Variants in LGR5 observed in about 807,000 individuals in gnomAD.
LGR5 encodes leucine rich repeat containing G protein-coupled receptor 5.
In LGR5, 54 loss-of-function variants were observed where a neutral mutation model predicts 76.7. The ratio of observed to expected loss-of-function variants is 0.70; its 90% CI spans 0.57 to 0.88. LGR5 has a LOEUF of 0.88. Among genes scored for constraint, LGR5 ranks in the 40% least tolerant of loss-of-function variants. LGR5 has a pLI of 0.00. For missense variants in LGR5, 1,078 were observed against 1,073.3 expected, an observed-to-expected ratio of 1.00 and a Z score of -0.06; for synonymous variants, 406 against 421.9, an observed-to-expected ratio of 0.96 and a Z score of 0.46.
intron 1 of LGR5, among the ~76,000 whole-genome samples, chr12:71,498,490 A>G (rs1003552466): frequency 4.6e-5 from 7 of 152,196 alleles, no homozygotes; most frequent in Middle Eastern, 3.2e-3. Flanking sequence ...TATCCTTAAC[A>G]TGGTTCCATA....
intron 8 of LGR5, among the ~76,000 whole-genome samples, chr12:71,564,768 G>A (rs1878248579): frequency 7.1e-6 from 1 of 140,440 alleles, no homozygotes; most frequent in South Asian, 2.3e-4. Flanking sequence ...ATACATATAT[G>A]TACACACTGC....
In LGR5 at chr12:71,566,486, A is replaced by G. The variant is rs1878349111; in HGVS notation, c.929+11A>G. ...TGAACTAAGAACACTGTAAGTTTCT[A>G]TGTCTCTTATGGATCACTTTCCCTC... On this transcript the variant is annotated intron_variant, in intron 9 of 17. Coordinates refer to ENST00000266674, the MANE Select transcript of LGR5 (RefSeq NM_003667.4). 1.3e-6 allele frequency: 2 copies of G among 1,581,754 alleles called. No individual in the cohort carries two copies. Among genetic ancestry groups the G allele is most frequent in the Non-Finnish European group, 8.7e-7 (1 of 1,151,192 alleles).
At chr12:71,579,482 C>CT (rs1310628807) in intron 15 of LGR5, among the ~76,000 whole-genome samples, 5 of 151,750 alleles carry the variant, frequency 3.3e-5, no homozygotes, top group East Asian at 3.9e-4. Flanking sequence ...GAACAAAAAT[C>CT]TTTTTTTTAA....
intron 2 of LGR5, among the ~76,000 whole-genome samples, chr12:71,516,458 C>G (rs141311554): frequency 0.013 from 2,017 of 152,208 alleles, 17 homozygotes; most frequent in Middle Eastern, 0.034. Flanking sequence ...TGGTTTCCTG[C>G]ACAATAATTT....
At chr12:71,538,337 A>AC (rs2137374924) in intron 4 of LGR5, among the ~76,000 whole-genome samples, 1 of 151,898 alleles carries the variant, frequency 6.6e-6, no homozygotes, top group Non-Finnish European at 1.5e-5. Flanking sequence ...ACATAGTGAG[A>AC]CCCCTGTCTC....
At chr12:71,487,769 ATAGGGG>A (rs1873897045) in intron 1 of LGR5, among the ~76,000 whole-genome samples, 1 of 152,238 alleles carries the variant, frequency 6.6e-6, no homozygotes, top group Non-Finnish European at 1.5e-5. Context: ...GTTATTATAC[ATAGGGG>A]TCCAGTCTTC....
At chr12:71,578,712 T>A in intron 14 of LGR5, 92 bp from the exon 15 acceptor site, 1 of 1,272,158 alleles carries the variant, frequency 7.9e-7, no homozygotes, top group African/African-American at 1.5e-5. Flanking sequence ...TTTTATTGAG[T>A]AGTTTAACGA....
chr12:71,440,060 TGGC>T lies in LGR5; in HGVS notation c.-20_-18del, dbSNP rs746682823. The T allele has an allele frequency of 3.1e-6, 5 of 1,597,904 alleles. No homozygotes were observed. The Admixed American group carries it at 8.3e-5, about 27-fold the overall frequency. ...CTGCTCTCCGCCCGCGTCCGGCTCGTGGCCCCCTACTTCGGGCACCATGGACAC... is the reference window on the plus strand; with the variant it reads ...CTGCTCTCCGCCCGCGTCCGGCTCGTCCCCTACTTCGGGCACCATGGACAC... On this transcript the variant is annotated 5_prime_UTR_variant, in exon 1 of 18. Coordinates refer to ENST00000266674, the MANE Select transcript of LGR5 (RefSeq NM_003667.4). The surrounding 1 kb of genome is among the most constrained non-coding windows in gnomAD (Gnocchi z 5.3).
At chr12:71,493,206 T>C (rs778669362) in intron 1 of LGR5, among the ~76,000 whole-genome samples, 1 of 151,510 alleles carries the variant, frequency 6.6e-6, no homozygotes, top group East Asian at 1.9e-4. Context: ...GTTTTTCGGC[T>C]ATTTTTCTGG....
chr12:71,506,192 C>A (rs1468802799), intron 2 of LGR5, among the ~76,000 whole-genome samples: 1 of 152,106 alleles, frequency 6.6e-6, no homozygotes, highest in Non-Finnish European at 1.5e-5. Flanking sequence ...TATACTTCCA[C>A]AATTAATATA....
chr12:71,530,092 CT>C (rs1248059517), intron 3 of LGR5, among the ~76,000 whole-genome samples: 1 of 151,888 alleles, frequency 6.6e-6, no homozygotes, highest in Non-Finnish European at 1.5e-5. Context: ...TATATTTCTT[CT>C]TTATAATACA....
chr12:71,548,419 T>G (rs1349752194), intron 4 of LGR5, among the ~76,000 whole-genome samples: 1 of 152,108 alleles, frequency 6.6e-6, no homozygotes, highest in Non-Finnish European at 1.5e-5. Context: ...CTCTAAGTTA[T>G]TTCTATTATG....
chr12:71,582,462 G>C lies in LGR5; in HGVS notation c.1559G>C (p.Arg520Pro), dbSNP rs377564190. The C allele has an allele frequency of 6.2e-7, 1 of 1,613,770 alleles. No individual in the cohort carries two copies. Among genetic ancestry groups the C allele is most frequent in the Non-Finnish European group, 8.5e-7 (1 of 1,179,814 alleles). ...DAGMFQAQDE[R>P]DLEDFLLDFE... is the part of the protein sequence containing the mutation. ...AGGACTTCTTGTGCTGCAGATGAAC[G>C]TGACCTTGAAGATTTCCTGCTTGAC... Residue 520 changes from arginine (R) to proline (P), a missense_variant, in exon 17 of 18, where the codon CGT becomes CCT. By Grantham distance (103) the Arg-to-Pro change is moderately radical. Transcript: ENST00000266674.
intron 7 of LGR5, 119 bp downstream of exon 7, chr12:71,559,773 A>G: frequency 1.8e-6 from 1 of 555,320 alleles, no homozygotes; most frequent in Non-Finnish European, 3.2e-6. Flanking sequence ...TATATAAATA[A>G]TGATAAAGTA....
At chr12:71,556,561 A>G (rs562372848) in intron 5 of LGR5, 58 bp from the exon 6 acceptor site, 1 of 1,082,886 alleles carries the variant, frequency 9.2e-7, no homozygotes, top group South Asian at 1.3e-5. Context: ...AGCTATCAAA[A>G]TGTTAAGTGT....
intron 1 of LGR5, among the ~76,000 whole-genome samples, chr12:71,471,453 T>C (rs1389328397): frequency 1.3e-5 from 2 of 152,280 alleles, no homozygotes; most frequent in East Asian, 3.9e-4. Flanking sequence ...TGCTTACAGC[T>C]GAGGAGTAGG....
At chr12:71,514,567 CAAA>C (rs11417758) in intron 2 of LGR5, among the ~76,000 whole-genome samples, 1 of 136,310 alleles carries the variant, frequency 7.3e-6, no homozygotes. Flanking sequence ...GACTCCCTCT[CAAA>C]AAAAAAAAAA....
chr12:71,561,663 T>G, intron 7 of LGR5, 118 bp from the exon 8 acceptor site: 1 of 501,322 alleles, frequency 2.0e-6, no homozygotes, highest in South Asian at 4.0e-5. Context: ...TAGAGGAATT[T>G]AATATTGTCC....
intron 1 of LGR5, among the ~76,000 whole-genome samples, chr12:71,455,896 C>T (rs1277036514): frequency 6.6e-6 from 1 of 152,058 alleles, no homozygotes; most frequent in Non-Finnish European, 1.5e-5. Flanking sequence ...ATACTCAATT[C>T]TGTATATATA....
Sources: gnomAD v4.1 joint callset for allele counts (sites outside exome capture counted in the v4.1 genomes callset) on GRCh38, gnomAD v4.1.1 for gene constraint, Gnocchi (gnomAD v3.1) non-coding constraint, MANE v1.5 for transcripts, NCBI Gene and HGNC (gene_info 2026-07-23, HGNC 2026-07-21) for gene names.